RFWD3: variants seen among roughly 807,000 people sequenced by gnomAD.
RFWD3 encodes E3 ubiquitin-protein ligase RFWD3.
In RFWD3, 65 loss-of-function variants were observed where a neutral mutation model predicts 87.7. That is an observed-to-expected ratio of 0.74 (90% CI 0.61 to 0.91). The LOEUF is 0.91. Ranked by LOEUF, RFWD3 falls within the 40% of genes least tolerant of loss-of-function variation. RFWD3 has a pLI of 0.00. For synonymous variants in RFWD3, 433 were observed against 352.8 expected (o/e 1.23, Z -2.55); for missense variants, 1,078 against 938.5 (o/e 1.15, Z -1.94).
chr16:74,628,041 A>G (rs1958987962), intron 11 of RFWD3, among the ~76,000 whole-genome samples: 1 of 152,142 alleles, frequency 6.6e-6, no homozygotes, highest in South Asian at 2.1e-4. Context: ...ACTGTTGTCC[A>G]TTTCAGTATG....
chr16:74,642,651 A>G (rs963234843), intron 6 of RFWD3, among the ~76,000 whole-genome samples: 2 of 151,972 alleles, frequency 1.3e-5, no homozygotes, highest in African/African-American at 4.8e-5. Flanking sequence ...ACCACTACAC[A>G]CGGATAATTT....
chr16:74,652,207 T>C, intron 2 of RFWD3, 85 bp from the exon 3 acceptor site: 1 of 1,260,124 alleles, frequency 7.9e-7, no homozygotes, highest in South Asian at 1.4e-5. Flanking sequence ...GTAAATCCTA[T>C]CACTTCAACC....
chr16:74,628,196 G>T (rs1394763837), intron 11 of RFWD3, among the ~76,000 whole-genome samples: 1 of 152,124 alleles, frequency 6.6e-6, no homozygotes, highest in African/African-American at 2.4e-5. Flanking sequence ...TAAACTGTAG[G>T]GGCTCCTAAG....
In RFWD3 at chr16:74,661,214, T is replaced by C. The variant is rs1272117461; in HGVS notation, c.236A>G (p.Asp79Gly). The change falls in exon 2 of 13, where the codon GAC becomes GGC. Residue 79 changes from aspartate to glycine, a missense_variant. Asp to Gly is a moderately conservative substitution (Grantham distance 94). Transcript: ENST00000361070. ...LLQPAPQLSV[D>G]LTEVEVLGED... Reference sequence around the variant, plus strand: ...TCCCAAGACCTCCACTTCTGTCAGGTCAACAGACAGTTGCGGAGCAGGCTG... The same window carrying C: ...TCCCAAGACCTCCACTTCTGTCAGGCCAACAGACAGTTGCGGAGCAGGCTG... 1 of 1,614,086 alleles carries C rather than the reference T, an allele frequency of 6.2e-7. No homozygotes were observed. The highest frequency in any genetic ancestry group is 2.2e-5 in the East Asian group (1 of 44,890).
chr16:74,630,749 T>TAA (rs754238912), intron 10 of RFWD3, 32 bp downstream of exon 10: 1 of 1,549,488 alleles, frequency 6.5e-7, no homozygotes, highest in South Asian at 1.2e-5. Flanking sequence ...AGAAAGCTGC[T>TAA]ACCACCAGGA....
intron 10 of RFWD3, among the ~76,000 whole-genome samples, chr16:74,629,521 T>A (rs1959027930): frequency 1.3e-5 from 2 of 152,064 alleles, no homozygotes; most frequent in South Asian, 4.2e-4. Context: ...TAGTCAGGTG[T>A]GGTGGCACAC....
intron 1 of RFWD3, chr16:74,664,423 C>A (rs1314815286): frequency 1.3e-5 from 2 of 152,178 alleles, no homozygotes; most frequent in African/African-American, 4.8e-5. Flanking sequence ...GGGGGCCGCA[C>A]TGTCTACTCC....
intron 6 of RFWD3, among the ~76,000 whole-genome samples, chr16:74,641,164 ATT>A (rs943537106): frequency 2.1e-5 from 3 of 145,772 alleles, no homozygotes; most frequent in Non-Finnish European, 1.5e-5. Flanking sequence ...CAAACAGATA[ATT>A]TTTTTTTTTT....
At chr16:74,652,217 C>T in intron 2 of RFWD3, 95 bp from the exon 3 acceptor site, 2 of 1,137,612 alleles carry the variant, frequency 1.8e-6, no homozygotes, top group Non-Finnish European at 2.5e-6. Flanking sequence ...TCACTTCAAC[C>T]CATCTCCAGG....
At chr16:74,651,855 G>C (rs1960590149) in intron 3 of RFWD3, 65 bp downstream of exon 3, 14 of 1,417,434 alleles carry the variant, frequency 9.9e-6, no homozygotes, top group Non-Finnish European at 1.4e-5. Flanking sequence ...CTAGTTTCTA[G>C]CCTTCCGAAA....
intron 2 of RFWD3, among the ~76,000 whole-genome samples, chr16:74,659,379 A>C (rs1214982801): frequency 1.3e-5 from 2 of 152,196 alleles, no homozygotes. Context: ...CTTCACCTAT[A>C]ACACAAATGT....
intron 1 of RFWD3, among the ~76,000 whole-genome samples, chr16:74,663,693 GTA>G (rs1190865273): frequency 3.9e-5 from 6 of 152,256 alleles, no homozygotes; most frequent in African/African-American, 1.2e-4. Context: ...TGCAAACAGG[GTA>G]TGATATGCAA....
At chr16:74,649,231 A>C in intron 3 of RFWD3, 29 bp from the exon 4 acceptor site, 1 of 1,505,406 alleles carries the variant, frequency 6.6e-7, no homozygotes, top group Non-Finnish European at 8.9e-7. Flanking sequence ...AAATGACAGG[A>C]GAGGTAAAAT....
chr16:74,641,855 G>T (rs1047227728), intron 6 of RFWD3, among the ~76,000 whole-genome samples: 2 of 148,074 alleles, frequency 1.4e-5, no homozygotes, highest in African/African-American at 2.5e-5. Context: ...GAACCTGGGA[G>T]GCGGGAAGTT....
Position 74,666,857 on chromosome 16 carries a change from A to G in RFWD3, c.-74T>C, listed in dbSNP as rs533062651. On this transcript the variant is annotated 5_prime_UTR_variant, in exon 1 of 13. Coordinates refer to ENST00000361070, the MANE Select transcript of RFWD3 (RefSeq NM_018124.4). The stretch of plus-strand genomic sequence containing the variant: ...CGGTAGTTACCTCGGCCGCACTCCG[A>G]ATGCACCTACGCCAACTGCCACTTC... 1 of 41,918 alleles carries G rather than the reference A, an allele frequency of 2.4e-5. No individual in the cohort carries two copies. Among genetic ancestry groups the G allele is most frequent in the South Asian group, 9.6e-4 (1 of 1,042 alleles). 2.6% of individuals were successfully genotyped at this position (41,918 alleles called of 1,614,324 possible). A position where few individuals can be genotyped will look rare whatever the true frequency, so the allele number is the denominator to read the frequency against.
At chr16:74,659,958 G>A (rs1313238979) in intron 2 of RFWD3, among the ~76,000 whole-genome samples, 1 of 152,156 alleles carries the variant, frequency 6.6e-6, no homozygotes, top group Non-Finnish European at 1.5e-5. Context: ...AGAGGCTGAG[G>A]TAGGAAGATC....
chr16:74,629,474 T>C (rs1349654518), intron 10 of RFWD3, among the ~76,000 whole-genome samples: 3 of 152,026 alleles, frequency 2.0e-5, no homozygotes, highest in Admixed American at 1.3e-4. Flanking sequence ...GCCTGGCCAA[T>C]ATGGTGAAAC....
In RFWD3 at chr16:74,621,949, C is replaced by T. The variant is rs934121228; in HGVS notation, c.*1979G>A. On this transcript the variant is annotated 3_prime_UTR_variant, in exon 13 of 13. Coordinates refer to ENST00000361070, the MANE Select transcript of RFWD3 (RefSeq NM_018124.4). ...TTTCTTTGGAGAAATCACTCACGAT[C>T]GTATGAATTTGCTTCCAAAACATCC... 5 of 152,124 alleles carry T rather than the reference C, an allele frequency of 3.3e-5. No homozygotes were observed. The highest frequency in any genetic ancestry group is 9.7e-5 in the African/African-American group (4 of 41,420). The allele number at this position is 152,124 out of a possible 1,614,324, so 9.4% of individuals were successfully genotyped here.
Position 74,651,932 on chromosome 16 carries a change from C to A in RFWD3, c.709G>T (p.Val237Phe), listed in dbSNP as rs1254118478. 2 of 1,613,858 alleles carry A rather than the reference C, an allele frequency of 1.2e-6. No homozygotes were observed. Among genetic ancestry groups the A allele is most frequent in the South Asian group, 2.2e-5 (2 of 91,062 alleles). The change falls in exon 3 of 13, where the codon GTC becomes TTC. Residue 237 changes from valine (V) to phenylalanine (F), a missense_variant. Physicochemically the swap from Val to Phe is conservative, Grantham distance 50 (BLOSUM62 -1). Coordinates refer to ENST00000361070, the MANE Select transcript of RFWD3 (RefSeq NM_018124.4). Reference protein sequence around the residue: ...VVDQAEESGAVILEEQLAGVS... With the variant: ...VVDQAEESGAFILEEQLAGVS... ...GTAAAATACTGACCTTCTAAAATGA[C>A]AGCTCCAGATTCCTCTGCCTGGTCA...
Sources: allele counts gnomAD v4.1 joint callset (sites outside exome capture counted in the v4.1 genomes callset), GRCh38; gene constraint gnomAD v4.1.1; transcripts MANE v1.5; gene names NCBI Gene and HGNC (gene_info 2026-07-23, HGNC 2026-07-21).